Variants in PCDH15 observed in about 807,000 individuals in gnomAD.
PCDH15 encodes the protein protocadherin-15.
A neutral mutation model predicts 178.5 loss-of-function variants in PCDH15; 129 were observed. That is an observed-to-expected ratio of 0.72 (90% CI 0.63 to 0.84). The LOEUF is 0.84. PCDH15 is among the 40% of genes least tolerant of loss of function. The pLI, the probability that PCDH15 is intolerant of heterozygous loss-of-function variation, is 0.00. For missense variants in PCDH15, 2,230 were observed against 2,099.9 expected (o/e 1.06, Z -1.21); for synonymous variants, 800 against 732.0 (o/e 1.09, Z -1.50).
chr10:54,905,373 C>A (rs937664466), intron 2 of PCDH15, among the ~76,000 whole-genome samples: 3 of 152,002 alleles, frequency 2.0e-5, no homozygotes, highest in Non-Finnish European at 4.4e-5. Flanking sequence ...TGTATAAAAT[C>A]CTGGCATAGC....
chr10:54,701,996 A>T (rs2095313529), intron 1 of PCDH15, among the ~76,000 whole-genome samples: 1 of 152,038 alleles, frequency 6.6e-6, no homozygotes, highest in Non-Finnish European at 1.5e-5. Context: ...AAAACAACAT[A>T]ATATACATTC....
rs1408574338 is a variant in PCDH15, at chr10:55,605,311, A to G, written c.-156+22314T>C. On this transcript the variant is annotated intron_variant, in intron 2 of 5. Coordinates refer to the PCDH15 transcript ENST00000613346. Reference sequence around the variant, plus strand: ...GATGGATTCACAGTCGAATTCTACCAGAGGTGCAAGGAGGAACTGGTACCA... The same window carrying G: ...GATGGATTCACAGTCGAATTCTACCGGAGGTGCAAGGAGGAACTGGTACCA... Among the ~76,000 whole-genome samples the G allele has an allele frequency of 2.6e-5, 4 of 152,200 alleles. No homozygotes were observed. The East Asian group carries it at 7.7e-4, about 29-fold the overall frequency.
chr10:55,029,099 G>A (rs10763173), intron 2 of PCDH15, among the ~76,000 whole-genome samples: 85,743 of 151,050 alleles, frequency 0.57, 24,615 homozygotes, highest in East Asian at 0.75. Flanking sequence ...TGCCCTGTAC[G>A]TTTGAAAATT....
At chr10:55,135,735 A>T (rs979983700) in intron 2 of PCDH15, among the ~76,000 whole-genome samples, 18 of 150,116 alleles carry the variant, frequency 1.2e-4, no homozygotes, top group African/African-American at 4.4e-4. Flanking sequence ...GGCACACACC[A>T]CCCTGCCTGG....
intron 2 of PCDH15, among the ~76,000 whole-genome samples, chr10:54,939,711 A>C (rs984843636): frequency 6.6e-6 from 1 of 152,052 alleles, no homozygotes; most frequent in African/African-American, 2.4e-5. Flanking sequence ...ACAGTTCTGG[A>C]AGCTGTGAAG....
At chr10:54,704,447 A>G (rs1256729140) in intron 1 of PCDH15, among the ~76,000 whole-genome samples, 1 of 151,562 alleles carries the variant, frequency 6.6e-6, no homozygotes, top group African/African-American at 2.4e-5. Context: ...TTTCTAAGGA[A>G]CTTAAATTAA....
intron 2 of PCDH15, among the ~76,000 whole-genome samples, chr10:55,592,239 A>G (rs1389190278): frequency 2.0e-5 from 3 of 152,116 alleles, no homozygotes; most frequent in Non-Finnish European, 4.4e-5. Context: ...TATACAATGT[A>G]TTATTTCCAG....
At chr10:54,259,087 T>C (rs562916750) in intron 8 of PCDH15, among the ~76,000 whole-genome samples, 8 of 150,550 alleles carry the variant, frequency 5.3e-5, no homozygotes, top group African/African-American at 1.7e-4. Context: ...TTTGAGGAGA[T>C]AGTGACCTAA....
At position 53,803,687 on chromosome 10, in the gene PCDH15, T is replaced by A. The variant is rs1840997832; in HGVS notation, c.*2892A>T. The A allele has an allele frequency of 6.6e-6, 1 of 151,940 alleles. No homozygotes were observed. Among genetic ancestry groups the A allele is most frequent in the Non-Finnish European group, 1.5e-5 (1 of 67,866 alleles). 9.4% of individuals were successfully genotyped at this position (151,940 alleles called of 1,614,324 possible). On this transcript the variant is annotated 3_prime_UTR_variant, in exon 38 of 38. Coordinates refer to ENST00000644397, the MANE Select transcript of PCDH15 (RefSeq NM_001384140.1). ...CACCTGTGATTCGATGGTCATTAAG[T>A]CACAAATGTCCTATGTCACTCTGAC...
rs78845986 is a variant in PCDH15 at position 54,826,101 on chromosome 10, G to A, written c.-29+71349C>T. Among the ~76,000 whole-genome samples, 559 of 152,018 alleles carry A rather than the reference G, an allele frequency of 3.7e-3. 1 individual carries two copies. Among genetic ancestry groups the A allele is most frequent in the African/African-American group, 0.013 (537 of 41,502 alleles). Reference sequence around the variant, plus strand: ...GACTTAGTAGTTAGTGCTTCTTTCTGTTATACTATAAGTTATTGTTTAATA... The same window carrying A: ...GACTTAGTAGTTAGTGCTTCTTTCTATTATACTATAAGTTATTGTTTAATA... On this transcript the variant is annotated intron_variant, in intron 3 of 5. Transcript: ENST00000458638.
chr10:54,323,893 T>A (rs6481087), intron 7 of PCDH15, among the ~76,000 whole-genome samples: 38,300 of 152,072 alleles, frequency 0.25, 5,262 homozygotes, highest in African/African-American at 0.37. Context: ...TATTGTCTTG[T>A]AAACATTTTT....
intron 2 of PCDH15, among the ~76,000 whole-genome samples, chr10:54,572,888 A>C (rs2090008911): frequency 6.6e-6 from 1 of 152,162 alleles, no homozygotes; most frequent in African/African-American, 2.4e-5. Context: ...GATTAGACCC[A>C]GCAAAGCTAA....
intron 2 of PCDH15, among the ~76,000 whole-genome samples, chr10:55,453,382 G>GTTT (rs1418225704): frequency 1.3e-5 from 2 of 152,148 alleles, no homozygotes; most frequent in African/African-American, 4.8e-5. Context: ...TTTAGGTTTT[G>GTTT]TAATAGAAAT....
At chr10:54,745,594 AT>A (rs1945357627) in intron 1 of PCDH15, among the ~76,000 whole-genome samples, 1 of 152,176 alleles carries the variant, frequency 6.6e-6, no homozygotes, top group African/African-American at 2.4e-5. Flanking sequence ...TTCTGGCTGG[AT>A]TCCACATAAT....
intron 2 of PCDH15, among the ~76,000 whole-genome samples, chr10:55,546,518 C>A (rs1841885998): frequency 6.6e-6 from 1 of 152,038 alleles, no homozygotes; most frequent in East Asian, 1.9e-4. Flanking sequence ...TTACAGGGGG[C>A]AAATGTAAAT....
chr10:55,299,167 A>T lies in PCDH15; in HGVS notation c.-156+20432T>A, dbSNP rs151108707. Reference sequence around the variant, plus strand: ...CGTCCCATTTTATGATTTATTCCAGACTATACAAAAGATAGGCCCTCCTTC... The same window carrying T: ...CGTCCCATTTTATGATTTATTCCAGTCTATACAAAAGATAGGCCCTCCTTC... On this transcript the variant is annotated intron_variant, in intron 1 of 5. Transcript: ENST00000458638. 6.0e-4 allele frequency among the ~76,000 whole-genome samples: 91 copies of T among 152,310 alleles called. 1 individual carries two copies. The highest frequency in any genetic ancestry group is 2.1e-3 in the African/African-American group (87 of 41,564).
chr10:54,477,401 T>C (rs1224193849), intron 3 of PCDH15, among the ~76,000 whole-genome samples: 2 of 152,264 alleles, frequency 1.3e-5, no homozygotes, highest in Admixed American at 6.5e-5. Flanking sequence ...TTTTTATTTT[T>C]ATTACTGTTC....
intron 21 of PCDH15, among the ~76,000 whole-genome samples, chr10:53,992,708 T>G (rs2091606283): frequency 6.6e-6 from 1 of 152,138 alleles, no homozygotes; most frequent in South Asian, 2.1e-4. Context: ...TGAAAAGAAA[T>G]AAACGGTTAG....
intron 20 of PCDH15, among the ~76,000 whole-genome samples, chr10:54,009,616 A>G (rs1028699705): frequency 6.6e-6 from 1 of 152,234 alleles, no homozygotes; most frequent in African/African-American, 2.4e-5. Context: ...AGGTGGAGAC[A>G]CACTGGAATT....
Sources: allele counts gnomAD v4.1 joint callset (sites outside exome capture counted in the v4.1 genomes callset), GRCh38; gene constraint gnomAD v4.1.1; transcripts MANE v1.5; gene names NCBI Gene and HGNC (gene_info 2026-07-23, HGNC 2026-07-21).